The following ZHX3 variants were observed in gnomAD, a reference collection of about 807,000 sequenced individuals.
The protein encoded by ZHX3 is zinc fingers and homeoboxes protein 3.
ZHX3 carries 20 observed loss-of-function variants against 64.5 expected under a neutral mutation model. That is an observed-to-expected ratio of 0.31 (90% CI 0.22 to 0.45). ZHX3 has a LOEUF of 0.45. Among genes scored for constraint, ZHX3 ranks in the 20% least tolerant of loss-of-function variants. The probability of loss-of-function intolerance (pLI) is 1.00; values close to 1 mark genes in which losing one functional copy is unlikely to be tolerated. For synonymous variants in ZHX3, 423 were observed against 461.6 expected, an observed-to-expected ratio of 0.92 and a Z score of 1.07; for missense variants, 1,041 against 1,195.8, an observed-to-expected ratio of 0.87 and a Z score of 1.91.
intron 3 of ZHX3, among the ~76,000 whole-genome samples, chr20:41,197,366 T>G (rs2037821116): frequency 6.8e-6 from 1 of 146,916 alleles, no homozygotes; most frequent in Non-Finnish European, 1.5e-5. Context: ...AATATATATT[T>G]TATATATAAT....
intron 1 of ZHX3, among the ~76,000 whole-genome samples, chr20:41,311,641 G>A (rs1455605579): frequency 6.6e-6 from 1 of 152,128 alleles, no homozygotes; most frequent in South Asian, 2.1e-4. Flanking sequence ...AAGGGGGAAG[G>A]TTCTAAAGTC....
intron 1 of ZHX3, among the ~76,000 whole-genome samples, chr20:41,281,624 T>C (rs1420881176): frequency 6.6e-6 from 1 of 152,222 alleles, no homozygotes; most frequent in East Asian, 1.9e-4. Flanking sequence ...TAATTAAATT[T>C]TGATGCTTAC....
chr20:41,219,516 G>A lies in ZHX3; in HGVS notation c.-150-14450C>T, dbSNP rs1450637426. Among the ~76,000 whole-genome samples the A allele has an allele frequency of 2.6e-5, 4 of 152,200 alleles. No homozygotes were observed. Among genetic ancestry groups the A allele is most frequent in the Non-Finnish European group, 5.9e-5 (4 of 68,030 alleles). On this transcript the variant is annotated intron_variant, in intron 2 of 3. Transcript: ENST00000683867. This position sits in a 1 kb window ranked among gnomAD's most constrained non-coding sequence, Gnocchi z 5.0. ...TGGCACTTATTGACACTAGAAAGAT[G>A]TTTGAAATGGTTCCTTGTAGTAAGC...
intron 2 of ZHX3, among the ~76,000 whole-genome samples, chr20:41,266,164 G>C (rs914958882): frequency 1.3e-5 from 2 of 152,154 alleles, no homozygotes; most frequent in African/African-American, 4.8e-5. Context: ...CTCTAAAAGT[G>C]AAAGATTAAT....
Position 41,219,650 on chromosome 20 carries a change from T to C in ZHX3, c.-150-14584A>G, listed in dbSNP as rs2039804890. The stretch of plus-strand genomic sequence containing the variant: ...CTAGGCACTGGGTATACAAGGATTT[T>C]TGAAAAGATGCTAGCTAGCCCTATA... On this transcript the variant is annotated intron_variant, in intron 2 of 3. Transcript: ENST00000683867. This position sits in a 1 kb window ranked among gnomAD's most constrained non-coding sequence, Gnocchi z 5.0. Among the ~76,000 whole-genome samples the C allele has an allele frequency of 6.6e-6, 1 of 152,246 alleles. No individual in the cohort carries two copies. Among genetic ancestry groups the C allele is most frequent in the Admixed American group, 6.5e-5 (1 of 15,284 alleles).
At chr20:41,210,253 T>C (rs1176225068) in intron 2 of ZHX3, among the ~76,000 whole-genome samples, 1 of 152,232 alleles carries the variant, frequency 6.6e-6, no homozygotes, top group Admixed American at 6.5e-5. Context: ...TTGGTGGGAC[T>C]GTAAACTAGT....
At chr20:41,291,602 G>T (rs1353312838) in intron 1 of ZHX3, among the ~76,000 whole-genome samples, 4 of 135,878 alleles carry the variant, frequency 2.9e-5, no homozygotes, top group East Asian at 4.6e-4. Flanking sequence ...TATATATTTT[G>T]TGGGTTTGGA....
intron 2 of ZHX3, among the ~76,000 whole-genome samples, chr20:41,254,810 G>C (rs1022297695): frequency 6.6e-6 from 1 of 152,162 alleles, no homozygotes; most frequent in Non-Finnish European, 1.5e-5. Flanking sequence ...ACATAATGAT[G>C]AATGCCTAAG....
intron 2 of ZHX3, among the ~76,000 whole-genome samples, chr20:41,252,785 G>T (rs1441385266): frequency 6.6e-6 from 1 of 152,120 alleles, no homozygotes; most frequent in East Asian, 1.9e-4. Flanking sequence ...CCTATTAGAG[G>T]TTTATAATTC....
intron 2 of ZHX3, among the ~76,000 whole-genome samples, chr20:41,258,757 T>A (rs925104224): frequency 6.6e-6 from 1 of 152,228 alleles, no homozygotes; most frequent in African/African-American, 2.4e-5. Flanking sequence ...GCTGGGTTTT[T>A]CCACTACCAA....
intron 1 of ZHX3, among the ~76,000 whole-genome samples, chr20:41,272,629 T>C (rs1416249621): frequency 6.6e-6 from 1 of 152,164 alleles, no homozygotes. Flanking sequence ...AATCAAACAA[T>C]ATGTGACCTT....
intron 2 of ZHX3, among the ~76,000 whole-genome samples, chr20:41,205,332 C>T (rs2038612678): frequency 6.6e-6 from 1 of 152,140 alleles, no homozygotes. Context: ...CCTACATATC[C>T]CTGCATTAAG....
chr20:41,297,030 A>G (rs186873925), intron 1 of ZHX3, among the ~76,000 whole-genome samples: 1 of 152,204 alleles, frequency 6.6e-6, no homozygotes, highest in East Asian at 1.9e-4. Flanking sequence ...TCCTGCCCAT[A>G]CCTCTTGAAG....
At chr20:41,233,704 T>C (rs954693917) in intron 2 of ZHX3, among the ~76,000 whole-genome samples, 1 of 152,140 alleles carries the variant, frequency 6.6e-6, no homozygotes, top group African/African-American at 2.4e-5. Context: ...AAAAAGGCAA[T>C]GGAGAGACCG....
chr20:41,294,903 G>T (rs6129803), intron 1 of ZHX3, among the ~76,000 whole-genome samples: 32,491 of 151,704 alleles, frequency 0.21, 3,573 homozygotes, highest in South Asian at 0.3. Flanking sequence ...CAACATGTTG[G>T]CCAGACTGGT....
At chr20:41,277,107 T>C (rs550924584) in intron 1 of ZHX3, among the ~76,000 whole-genome samples, 1 of 152,290 alleles carries the variant, frequency 6.6e-6, no homozygotes, top group South Asian at 2.1e-4. Context: ...AAGGAACTTT[T>C]CTAGAGTGGC....
At chr20:41,243,167 A>C (rs914988097) in intron 2 of ZHX3, among the ~76,000 whole-genome samples, 1 of 152,208 alleles carries the variant, frequency 6.6e-6, no homozygotes, top group African/African-American at 2.4e-5. Context: ...AGTCAGAGGC[A>C]TATGGGATTT....
At chr20:41,260,925 G>A (rs1253035596) in intron 2 of ZHX3, among the ~76,000 whole-genome samples, 1 of 152,214 alleles carries the variant, frequency 6.6e-6, no homozygotes, top group Non-Finnish European at 1.5e-5. Flanking sequence ...CATGCTCTTA[G>A]CACTACACAA....
At chr20:41,283,529 C>T (rs763830577) in intron 1 of ZHX3, among the ~76,000 whole-genome samples, 3 of 152,160 alleles carry the variant, frequency 2.0e-5, no homozygotes, top group African/African-American at 4.8e-5. Context: ...AAGGCTGAGG[C>T]GGGCAGATCA....
Sources: gnomAD v4.1 joint callset for allele counts (sites outside exome capture counted in the v4.1 genomes callset) on GRCh38, gnomAD v4.1.1 for gene constraint, Gnocchi (gnomAD v3.1) non-coding constraint, MANE v1.5 for transcripts, NCBI Gene and HGNC (gene_info 2026-07-23, HGNC 2026-07-21) for gene names.